The following C17orf99 variants were observed in gnomAD, a reference collection of about 807,000 sequenced individuals.
The protein encoded by C17orf99 is chromosome 17 open reading frame 99.
Under a neutral mutation model 22.6 loss-of-function variants are expected in C17orf99, and 18 were observed. The ratio of observed to expected loss-of-function variants is 0.80; its 90% CI spans 0.55 to 1.18. C17orf99 has a LOEUF of 1.18. Among genes scored for constraint, C17orf99 ranks in the 50% most tolerant of loss-of-function variants. The pLI is 0.00. For missense variants in C17orf99, 328 were observed against 342.7 expected, an observed-to-expected ratio of 0.96 and a Z score of 0.34; for synonymous variants, 147 against 136.6, an observed-to-expected ratio of 1.08 and a Z score of -0.53.
At chr17:78,164,898 C>T (rs1018231708) in intron 4 of C17orf99, 111 of 1,171,656 alleles carry the variant, frequency 9.5e-5, no homozygotes, top group Non-Finnish European at 1.1e-4. Context: ...CTGACCAGTG[C>T]TCCCAGGTGC....
At chr17:78,157,536 C>A in intron 2 of C17orf99, 1 of 942,726 alleles carries the variant, frequency 1.1e-6, no homozygotes, top group South Asian at 1.4e-5. Context: ...CGGTGGCTCA[C>A]GCCCGTAATC....
chr17:78,158,217 C>T, intron 2 of C17orf99: 1 of 637,072 alleles, frequency 1.6e-6, no homozygotes, highest in South Asian at 1.5e-5. Flanking sequence ...GCGGTGGTGG[C>T]AGCAGTGATC....
intron 2 of C17orf99, among the ~76,000 whole-genome samples, chr17:78,149,499 G>A (rs983168039): frequency 4.6e-5 from 7 of 152,028 alleles, no homozygotes; most frequent in Middle Eastern, 3.2e-3. Flanking sequence ...CAGGATATTC[G>A]AAAGATGATC....
At chr17:78,165,786 G>C in intron 4 of C17orf99, 103 bp from the exon 5 acceptor site, 1 of 1,262,112 alleles carries the variant, frequency 7.9e-7, no homozygotes, top group East Asian at 3.1e-5. Context: ...TGGACAAAAA[G>C]AGCAAAACTC....
chr17:78,146,758 G>A lies in C17orf99; in HGVS notation c.38-121G>A. The A allele has an allele frequency of 1.1e-6, 1 of 948,420 alleles. No individual in the cohort carries two copies. The highest frequency in any genetic ancestry group is 1.5e-5 in the South Asian group (1 of 68,436). The allele number at this position is 948,420 out of a possible 1,614,324, so 58.8% of individuals were successfully genotyped here. The stretch of plus-strand genomic sequence containing the variant: ...AGTGATGGTGCCAGCTGAGTCCTGG[G>A]GCCTCACTACCAAGAATCAGCCTGC... On this transcript the variant is annotated intron_variant, in intron 1 of 4. Coordinates refer to ENST00000340363, the MANE Select transcript of C17orf99 (RefSeq NM_001163075.2). The surrounding 1 kb of genome is among the most constrained non-coding windows in gnomAD (Gnocchi z 5.2).
chr17:78,166,158 A>C lies in C17orf99; in HGVS notation c.*112A>C. 1.8e-5 allele frequency: 3 copies of C among 167,286 alleles called. No individual in the cohort carries two copies. The highest frequency in any genetic ancestry group is 4.0e-5 in the Non-Finnish European group (3 of 75,412). 10.4% of individuals were successfully genotyped at this position (167,286 alleles called of 1,614,324 possible). ...TGTGTTTTAGCTGCTCTTGCCACAA[A>C]AAAAAAAAAAAAAAAAAAAGGGTAA... On this transcript the variant is annotated 3_prime_UTR_variant, in exon 5 of 5. Transcript: ENST00000340363.
upstream of C17orf99, among the ~76,000 whole-genome samples, chr17:78,145,641 C>T (rs1353439344): frequency 6.6e-6 from 1 of 152,168 alleles, no homozygotes; most frequent in Non-Finnish European, 1.5e-5. Flanking sequence ...AGCAGGTCCC[C>T]AGCTGCTTGG....
intron 2 of C17orf99, among the ~76,000 whole-genome samples, chr17:78,157,669 C>T (rs1443118627): frequency 6.6e-6 from 1 of 151,742 alleles, no homozygotes; most frequent in Non-Finnish European, 1.5e-5. Context: ...TGGTGGCGGG[C>T]GCCTGTAGTC....
chr17:78,162,246 A>T (rs2145798347), intron 3 of C17orf99, among the ~76,000 whole-genome samples: 1 of 148,052 alleles, frequency 6.8e-6, no homozygotes, highest in South Asian at 2.2e-4. Context: ...GCTGCATGCC[A>T]GCCTGGGTGA....
rs2075438029 is a variant in C17orf99, at chr17:78,146,453, A to ACC, written c.37+10_37+11dup. Reference sequence around the variant, plus strand: ...CTGCTTGGCCGTGCTGGGTGAGTCCACCAGGGACGTGATGGTGGGGCTGCT... The same window carrying ACC: ...CTGCTTGGCCGTGCTGGGTGAGTCCACCCCAGGGACGTGATGGTGGGGCTGCT... On this transcript the variant is annotated intron_variant, in intron 1 of 4. Transcript: ENST00000340363. The surrounding 1 kb of genome is among the most constrained non-coding windows in gnomAD (Gnocchi z 5.2). 1 of 1,549,574 alleles carries ACC rather than the reference A, an allele frequency of 6.5e-7. No homozygotes were observed. Among genetic ancestry groups the ACC allele is most frequent in the African/African-American group, 1.4e-5 (1 of 72,902 alleles).
intron 3 of C17orf99, 42 bp from the exon 4 acceptor site, chr17:78,164,053 A>C (rs758051271): frequency 6.6e-7 from 1 of 1,512,530 alleles, no homozygotes; most frequent in Non-Finnish European, 9.0e-7. Flanking sequence ...GGGGTTTAAA[A>C]CCGCTCAGCC....
intron 4 of C17orf99, 29 bp downstream of exon 4, chr17:78,164,393 G>A (rs1190309969): frequency 1.9e-6 from 3 of 1,551,018 alleles, no homozygotes; most frequent in African/African-American, 1.4e-5. Flanking sequence ...TTCCAGAGGG[G>A]CAGCTGGCGC....
chr17:78,156,549 C>G (rs1351582929), intron 2 of C17orf99, among the ~76,000 whole-genome samples: 1 of 152,036 alleles, frequency 6.6e-6, no homozygotes, highest in African/African-American at 2.4e-5. Context: ...GAGAAGAGCA[C>G]TTTGGGTGCC....
intron 2 of C17orf99, among the ~76,000 whole-genome samples, chr17:78,154,024 C>T (rs1483242758): frequency 1.4e-5 from 2 of 140,720 alleles, no homozygotes; most frequent in African/African-American, 5.4e-5. Context: ...CTCTCAGGTT[C>T]AAGTGATTCT....
intron 3 of C17orf99, among the ~76,000 whole-genome samples, chr17:78,162,297 G>A (rs953114064): frequency 2.9e-5 from 4 of 140,080 alleles, no homozygotes; most frequent in Non-Finnish European, 6.1e-5. Flanking sequence ...AAAAAAAGTC[G>A]CCCCAGGCCA....
chr17:78,147,482 G>A (rs2075445943), intron 2 of C17orf99, among the ~76,000 whole-genome samples: 1 of 152,150 alleles, frequency 6.6e-6, no homozygotes, highest in Non-Finnish European at 1.5e-5. Context: ...GGGAGGAGGG[G>A]ACGCTGGGGA....
At chr17:78,160,914 G>A (rs1282813770) in intron 2 of C17orf99, 41 bp from the exon 3 acceptor site, 2 of 1,497,082 alleles carry the variant, frequency 1.3e-6, no homozygotes, top group Admixed American at 4.1e-5. Context: ...CTTGATCAAT[G>A]TCGGTTTCTT....
chr17:78,150,114 T>C (rs2075469753), intron 2 of C17orf99, among the ~76,000 whole-genome samples: 1 of 152,056 alleles, frequency 6.6e-6, no homozygotes, highest in South Asian at 2.1e-4. Context: ...GCTCAAGCCA[T>C]CATCCCGCCT....
intron 2 of C17orf99, among the ~76,000 whole-genome samples, chr17:78,155,046 G>A (rs1034787360): frequency 6.6e-6 from 1 of 151,956 alleles, no homozygotes; most frequent in Non-Finnish European, 1.5e-5. Context: ...CATTCTTCGC[G>A]GTGGGGGCTG....
Sources: allele counts gnomAD v4.1 joint callset (sites outside exome capture counted in the v4.1 genomes callset), GRCh38; gene constraint gnomAD v4.1.1; non-coding constraint Gnocchi (gnomAD v3.1); transcripts MANE v1.5; gene names NCBI Gene and HGNC (gene_info 2026-07-23, HGNC 2026-07-21).